ELMO1: variants seen among roughly 807,000 people sequenced by gnomAD.
ELMO1 encodes the protein engulfment and cell motility 1.
In ELMO1, 26 loss-of-function variants were observed where a neutral mutation model predicts 98.9. The observed-to-expected ratio is 0.26, with a 90% CI of 0.19 to 0.36. The LOEUF is 0.36. Ranked by LOEUF, ELMO1 falls within the 10% of genes least tolerant of loss-of-function variation. The probability of loss-of-function intolerance (pLI) is 1.00; values close to 1 mark genes in which losing one functional copy is unlikely to be tolerated. For synonymous variants in ELMO1, 346 were observed against 346.0 expected (o/e 1.00, Z 0.00); for missense variants, 627 against 935.2 (o/e 0.67, Z 4.30).
intron 15 of ELMO1, among the ~76,000 whole-genome samples, chr7:37,072,318 T>C (rs1486531636): frequency 6.6e-6 from 1 of 152,186 alleles, no homozygotes; most frequent in African/African-American, 2.4e-5. Flanking sequence ...TTTCCTGTGC[T>C]GTTCTCATTA....
At chr7:37,206,534 T>C (rs1792633055) in intron 13 of ELMO1, among the ~76,000 whole-genome samples, 1 of 152,206 alleles carries the variant, frequency 6.6e-6, no homozygotes, top group Non-Finnish European at 1.5e-5. Context: ...CCCTGCCATC[T>C]CTATTTGCTG....
At chr7:37,109,194 C>T (rs1472146610) in intron 14 of ELMO1, among the ~76,000 whole-genome samples, 3 of 152,110 alleles carry the variant, frequency 2.0e-5, no homozygotes, top group Admixed American at 6.5e-5. Context: ...AATGCGGCCA[C>T]GTGGATGAAA....
chr7:37,290,168 T>C (rs1207160921), intron 4 of ELMO1, among the ~76,000 whole-genome samples: 1 of 152,218 alleles, frequency 6.6e-6, no homozygotes, highest in African/African-American at 2.4e-5. Context: ...TTAACTGATA[T>C]TAAGAGACAT....
intron 3 of ELMO1, 23 bp downstream of exon 3, chr7:37,315,897 G>T (rs1232904389): frequency 1.3e-6 from 2 of 1,587,108 alleles, no homozygotes; most frequent in South Asian, 2.3e-5. Flanking sequence ...GAATGCCTTA[G>T]ATAAATCCTG....
intron 13 of ELMO1, among the ~76,000 whole-genome samples, chr7:37,209,665 C>T (rs2130406791): frequency 6.6e-6 from 1 of 152,226 alleles, no homozygotes; most frequent in Admixed American, 6.5e-5. Context: ...TCTTGCTTAC[C>T]ACATAAAAGT....
intron 20 of ELMO1, among the ~76,000 whole-genome samples, chr7:36,869,480 A>G (rs374552347): frequency 3.9e-5 from 6 of 152,328 alleles, no homozygotes; most frequent in African/African-American, 1.4e-4. Context: ...TGGTAAATAG[A>G]TTGTGTATCA....
At position 36,887,692 on chromosome 7, in the gene ELMO1, T is replaced by C. The variant is rs186536954; in HGVS notation, c.1602-20A>G. 1.2e-6 allele frequency: 2 copies of C among 1,610,130 alleles called. No homozygotes were observed. Among genetic ancestry groups the C allele is most frequent in the African/African-American group, 2.7e-5 (2 of 74,972 alleles). On this transcript the variant is annotated intron_variant, in intron 17 of 21. Transcript: ENST00000310758. ...AGTTCCCTGTTAGAGGAAAAACACA[T>C]ATTCCACAGCATGCCTTGAGAAACA...
At chr7:36,908,718 T>C (rs977859140) in intron 16 of ELMO1, among the ~76,000 whole-genome samples, 3 of 152,234 alleles carry the variant, frequency 2.0e-5, no homozygotes, top group African/African-American at 7.2e-5. Flanking sequence ...GACCTTACCA[T>C]GTATCTCATC....
intron 13 of ELMO1, among the ~76,000 whole-genome samples, chr7:37,152,266 G>A (rs1251805790): frequency 3.9e-5 from 6 of 152,270 alleles, no homozygotes; most frequent in African/African-American, 1.2e-4. Context: ...CTGTTCTCCT[G>A]CAAACCCAAA....
chr7:37,327,413 C>T (rs1799875897), intron 2 of ELMO1, among the ~76,000 whole-genome samples: 1 of 152,098 alleles, frequency 6.6e-6, no homozygotes, highest in Non-Finnish European at 1.5e-5. Flanking sequence ...TGTTATCAGG[C>T]TAGGAGAGTA....
chr7:37,279,151 G>A lies in ELMO1; in HGVS notation c.193-7269C>T, dbSNP rs573142352. The stretch of plus-strand genomic sequence containing the variant: ...TGGAAGGTGGAGGTTGCAGTGAGCC[G>A]AGATCACGCCACTGCACTCCAGCCT... On this transcript the variant is annotated intron_variant, in intron 4 of 21. Transcript: ENST00000310758. Among the ~76,000 whole-genome samples the A allele has an allele frequency of 8.5e-5, 13 of 152,140 alleles. No individual in the cohort carries two copies. In the East Asian group the frequency reaches 1.5e-3, roughly 18 times the overall value.
intron 13 of ELMO1, among the ~76,000 whole-genome samples, chr7:37,184,602 C>A (rs1241388615): frequency 6.6e-6 from 1 of 152,144 alleles, no homozygotes; most frequent in African/African-American, 2.4e-5. Context: ...TTGGCTGAAA[C>A]CTTTTACTAT....
At chr7:36,939,533 G>C (rs1202219381) in intron 16 of ELMO1, among the ~76,000 whole-genome samples, 1 of 152,206 alleles carries the variant, frequency 6.6e-6, no homozygotes, top group African/African-American at 2.4e-5. Flanking sequence ...TTCCAACTTG[G>C]ATATGTTTTG....
At chr7:36,977,177 TAGG>T (rs1055916271) in intron 16 of ELMO1, among the ~76,000 whole-genome samples, 2 of 152,198 alleles carry the variant, frequency 1.3e-5, no homozygotes, top group Non-Finnish European at 2.9e-5. Context: ...CCTTTGAGCA[TAGG>T]AGGATGTACT....
intron 13 of ELMO1, among the ~76,000 whole-genome samples, chr7:37,149,555 A>G (rs569861160): frequency 1.3e-5 from 2 of 152,368 alleles, no homozygotes; most frequent in East Asian, 3.9e-4. Flanking sequence ...CCATAACAAA[A>G]GTCATATTGG....
intron 14 of ELMO1, among the ~76,000 whole-genome samples, chr7:37,103,599 G>A (rs1408183285): frequency 6.6e-6 from 1 of 151,836 alleles, no homozygotes; most frequent in East Asian, 1.9e-4. Flanking sequence ...GTTAATGGGT[G>A]CAGCACAACG....
intron 1 of ELMO1, among the ~76,000 whole-genome samples, chr7:37,384,534 C>T (rs1802711932): frequency 6.6e-6 from 1 of 152,016 alleles, no homozygotes; most frequent in Non-Finnish European, 1.5e-5. Flanking sequence ...TCCTGGCTAA[C>T]AAGGTGAAAC....
At chr7:37,184,394 G>T (rs1170622166) in intron 13 of ELMO1, among the ~76,000 whole-genome samples, 2 of 152,058 alleles carry the variant, frequency 1.3e-5, no homozygotes, top group Non-Finnish European at 2.9e-5. Flanking sequence ...CACGGTTTAG[G>T]GGCACCCTCT....
At chr7:37,156,792 A>G (rs1212775060) in intron 13 of ELMO1, among the ~76,000 whole-genome samples, 1 of 152,254 alleles carries the variant, frequency 6.6e-6, no homozygotes, top group Non-Finnish European at 1.5e-5. Context: ...ATAGAAAAAC[A>G]GGGAATCCTC....
Sources: allele counts gnomAD v4.1 joint callset (sites outside exome capture counted in the v4.1 genomes callset), GRCh38; gene constraint gnomAD v4.1.1; transcripts MANE v1.5; gene names NCBI Gene and HGNC (gene_info 2026-07-23, HGNC 2026-07-21).